CCSER1: variants seen among roughly 807,000 people sequenced by gnomAD.
The protein encoded by CCSER1 is serine-rich coiled-coil domain-containing protein 1.
A neutral mutation model predicts 82.0 loss-of-function variants in CCSER1; 41 were observed. The observed-to-expected ratio is 0.50, with a 90% CI of 0.39 to 0.65. The LOEUF is 0.65. CCSER1 is among the 30% of genes least tolerant of loss of function. The probability of loss-of-function intolerance (pLI) is 0.00; values close to 1 mark genes in which losing one functional copy is unlikely to be tolerated. For synonymous variants in CCSER1, 414 were observed against 383.9 expected, an observed-to-expected ratio of 1.08 and a Z score of -0.92; for missense variants, 1,119 against 1,064.2, an observed-to-expected ratio of 1.05 and a Z score of -0.72.
At chr4:90,204,908 C>T (rs1160648901) in intron 1 of CCSER1, among the ~76,000 whole-genome samples, 1 of 152,128 alleles carries the variant, frequency 6.6e-6, no homozygotes, top group Non-Finnish European at 1.5e-5. Context: ...AGGTCCTTTA[C>T]ATCCCTTGTA....
At chr4:90,964,731 CA>C (rs71596540) in intron 9 of CCSER1, among the ~76,000 whole-genome samples, 28 of 77,614 alleles carry the variant, frequency 3.6e-4, no homozygotes, top group South Asian at 6.3e-4. Context: ...ACTCTGTCTC[CA>C]AAAAAAAAAA....
chr4:90,498,973 A>T (rs1398998023), intron 5 of CCSER1, among the ~76,000 whole-genome samples: 1 of 152,154 alleles, frequency 6.6e-6, no homozygotes, highest in Admixed American at 6.6e-5. Flanking sequence ...AGTTTTAAAA[A>T]ATCTCTCTGC....
intron 7 of CCSER1, chr4:90,727,301 G>T (rs1327312703): frequency 2.2e-6 from 1 of 455,562 alleles, no homozygotes; most frequent in African/African-American, 2.0e-5. Context: ...TGCATAGGTA[G>T]GAACAAAATG....
intron 7 of CCSER1, among the ~76,000 whole-genome samples, chr4:90,756,046 G>T (rs1352458131): frequency 6.6e-6 from 1 of 152,082 alleles, no homozygotes; most frequent in African/African-American, 2.4e-5. Context: ...GGTGAACATG[G>T]TGAAACCTTT....
intron 3 of CCSER1, among the ~76,000 whole-genome samples, chr4:90,344,580 T>A (rs903412079): frequency 6.6e-6 from 1 of 152,134 alleles, no homozygotes. Flanking sequence ...CATAAACTCC[T>A]TGTAAAGTTG....
At chr4:91,594,336 C>CAT (rs1427419587) in intron 10 of CCSER1, among the ~76,000 whole-genome samples, 2 of 144,254 alleles carry the variant, frequency 1.4e-5, no homozygotes, top group African/African-American at 2.6e-5. Flanking sequence ...TATGTACACA[C>CAT]ATATATATAC....
chr4:90,781,580 G>C, intron 7 of CCSER1: 1 of 977,924 alleles, frequency 1.0e-6, no homozygotes, highest in Non-Finnish European at 1.2e-6. Flanking sequence ...AAATTGTTGT[G>C]ACTTTCCTTA....
At chr4:90,343,766 ATAGTGG>A (rs1484620387) in intron 3 of CCSER1, among the ~76,000 whole-genome samples, 6 of 152,148 alleles carry the variant, frequency 3.9e-5, no homozygotes, top group African/African-American at 1.2e-4. Context: ...TTGTGGGTAC[ATAGTGG>A]TATATATATG....
intron 9 of CCSER1, among the ~76,000 whole-genome samples, chr4:91,062,157 T>G (rs1453083870): frequency 1.3e-5 from 2 of 151,986 alleles, no homozygotes; most frequent in African/African-American, 4.8e-5. Context: ...TTAACTGCAG[T>G]TAGCAGAAAG....
intron 10 of CCSER1, among the ~76,000 whole-genome samples, chr4:91,391,592 T>C (rs752066454): frequency 2.0e-5 from 3 of 152,220 alleles, no homozygotes; most frequent in Non-Finnish European, 2.9e-5. Flanking sequence ...TAAGCCACCA[T>C]GCTCAGCCTC....
chr4:91,069,986 A>T (rs1027269631), intron 9 of CCSER1, among the ~76,000 whole-genome samples: 1 of 146,618 alleles, frequency 6.8e-6, no homozygotes, highest in Non-Finnish European at 1.5e-5. Flanking sequence ...ACCTTTTTTA[A>T]TTTTTTTTTT....
At chr4:90,147,140 C>T (rs1361212756) in intron 1 of CCSER1, among the ~76,000 whole-genome samples, 1 of 151,786 alleles carries the variant, frequency 6.6e-6, no homozygotes, top group Admixed American at 6.6e-5. Context: ...TTAATGCTTT[C>T]CATGTGTAAG....
In CCSER1 at chr4:90,875,785, C is replaced by T. The variant is rs576493847; in HGVS notation, c.2095-47585C>T. 7.9e-5 allele frequency among the ~76,000 whole-genome samples: 12 copies of T among 152,116 alleles called. No individual in the cohort carries two copies. In the South Asian group the frequency reaches 8.3e-4, roughly 11 times the overall value. The stretch of plus-strand genomic sequence containing the variant: ...CCATACTGCCGATTCAAAAGAAGAG[C>T]GAAGGTCAATGCACAGGAAGCCTAG... On this transcript the variant is annotated intron_variant, in intron 8 of 10. Transcript: ENST00000509176.
At chr4:90,529,090 G>T (rs1774156898) in intron 5 of CCSER1, among the ~76,000 whole-genome samples, 2 of 151,950 alleles carry the variant, frequency 1.3e-5, no homozygotes, top group African/African-American at 4.8e-5. Context: ...TCACTCTCAG[G>T]CTTGATGAGA....
rs185978853 is a variant in CCSER1 at position 91,468,558 on chromosome 4, T to G, written c.2218-130014T>G. Among the ~76,000 whole-genome samples, 6 of 151,676 alleles carry G rather than the reference T, an allele frequency of 4.0e-5. No homozygotes were observed. In the East Asian group the frequency reaches 9.7e-4, roughly 25 times the overall value. On this transcript the variant is annotated intron_variant, in intron 10 of 10. Transcript: ENST00000509176. The stretch of plus-strand genomic sequence containing the variant: ...AAAATATTTATAACCATAGGAATAG[T>G]TTTTTTTGATAAAAAGAAGCAATCA...
intron 9 of CCSER1, among the ~76,000 whole-genome samples, chr4:91,051,676 G>A (rs2148710503): frequency 6.6e-6 from 1 of 152,212 alleles, no homozygotes; most frequent in Admixed American, 6.5e-5. Context: ...AGAAAGGAAG[G>A]AAGCAGGCAC....
intron 5 of CCSER1, among the ~76,000 whole-genome samples, chr4:90,480,599 G>A (rs1304673558): frequency 6.6e-6 from 1 of 152,082 alleles, no homozygotes; most frequent in African/African-American, 2.4e-5. Flanking sequence ...TCCATGTGGC[G>A]AGGCAGTTTT....
intron 5 of CCSER1, among the ~76,000 whole-genome samples, chr4:90,495,729 A>G (rs1287203519): frequency 6.6e-6 from 1 of 152,214 alleles, no homozygotes; most frequent in African/African-American, 2.4e-5. Flanking sequence ...AGAGATCATC[A>G]TCTTCCATAA....
intron 10 of CCSER1, among the ~76,000 whole-genome samples, chr4:91,552,383 C>T (rs1762198457): frequency 6.6e-6 from 1 of 151,736 alleles, no homozygotes; most frequent in African/African-American, 2.4e-5. Context: ...AAGAATGAGA[C>T]ACTGTCTTGA....
Sources: allele counts gnomAD v4.1 joint callset (sites outside exome capture counted in the v4.1 genomes callset), GRCh38; gene constraint gnomAD v4.1.1; transcripts MANE v1.5; gene names NCBI Gene and HGNC (gene_info 2026-07-23, HGNC 2026-07-21).